Variants in CNTNAP2 observed in about 807,000 individuals in gnomAD.
The protein encoded by CNTNAP2 is contactin-associated protein-like 2.
A neutral mutation model predicts 155.2 loss-of-function variants in CNTNAP2; 98 were observed. The observed-to-expected ratio is 0.63, with a 90% CI of 0.54 to 0.75. The LOEUF (loss-of-function observed/expected upper bound fraction) is 0.75. Among genes scored for constraint, CNTNAP2 ranks in the 30% least tolerant of loss-of-function variants. The pLI is 0.00. For synonymous variants in CNTNAP2, 651 were observed against 631.2 expected (o/e 1.03, Z -0.47); for missense variants, 1,727 against 1,688.1 (o/e 1.02, Z -0.40).
chr7:147,021,494 C>A (rs1798816621), intron 3 of CNTNAP2, among the ~76,000 whole-genome samples: 1 of 152,142 alleles, frequency 6.6e-6, no homozygotes, highest in Non-Finnish European at 1.5e-5. Context: ...AAAGATAAGA[C>A]TATTATTCCC....
At chr7:146,886,495 C>T (rs926880008) in intron 3 of CNTNAP2, among the ~76,000 whole-genome samples, 1 of 152,022 alleles carries the variant, frequency 6.6e-6, no homozygotes, top group African/African-American at 2.4e-5. Context: ...ATCTTTGCCT[C>T]ACAGATCCAT....
chr7:147,766,925 T>A (rs909784480), intron 13 of CNTNAP2, among the ~76,000 whole-genome samples: 2 of 152,038 alleles, frequency 1.3e-5, no homozygotes, highest in Non-Finnish European at 2.9e-5. Context: ...TGACAAAAAA[T>A]TTCTAAAATA....
chr7:146,846,014 T>C (rs1190556007), intron 3 of CNTNAP2, among the ~76,000 whole-genome samples: 2 of 152,214 alleles, frequency 1.3e-5, no homozygotes, highest in Non-Finnish European at 2.9e-5. Context: ...CCAGTATAAA[T>C]ATAAAATATA....
chr7:147,276,530 C>A (rs1804900564), intron 8 of CNTNAP2, among the ~76,000 whole-genome samples: 1 of 151,978 alleles, frequency 6.6e-6, no homozygotes, highest in Non-Finnish European at 1.5e-5. Context: ...GATACCATAG[C>A]TTGTAAAAAT....
At chr7:146,189,899 T>G (rs1032433311) in intron 1 of CNTNAP2, among the ~76,000 whole-genome samples, 1 of 152,200 alleles carries the variant, frequency 6.6e-6, no homozygotes, top group African/African-American at 2.4e-5. Flanking sequence ...TTTAACAATA[T>G]GAAATACTGT....
Position 146,916,793 on chromosome 7 carries a change from A to AT in CNTNAP2, c.402+76895dup, listed in dbSNP as rs530449777. On this transcript the variant is annotated intron_variant, in intron 3 of 23. Transcript: ENST00000361727. ...GCTTTTTGTATCATTTATCTTTTGT[A>AT]TTTTTTGTTTGTTTTGATTTCATTT... 2.0e-3 allele frequency among the ~76,000 whole-genome samples: 307 copies of AT among 151,614 alleles called. 1 individual carries two copies. Among genetic ancestry groups the AT allele is most frequent in the Non-Finnish European group, 3.3e-3 (223 of 67,848 alleles).
chr7:147,345,544 T>G (rs1489037794), intron 9 of CNTNAP2, among the ~76,000 whole-genome samples: 1 of 152,224 alleles, frequency 6.6e-6, no homozygotes, highest in Non-Finnish European at 1.5e-5. Context: ...TATTCAATTA[T>G]GTGGCGTGTT....
chr7:147,632,767 AGAAAATGTGGG>A (rs1374139565), intron 12 of CNTNAP2, among the ~76,000 whole-genome samples: 1 of 152,190 alleles, frequency 6.6e-6, no homozygotes, highest in Non-Finnish European at 1.5e-5. Flanking sequence ...GAATAAGACA[AGAAAATGTGGG>A]AAAGTTTGGA....
At chr7:146,745,932 G>A (rs1202169817) in intron 1 of CNTNAP2, among the ~76,000 whole-genome samples, 3 of 152,158 alleles carry the variant, frequency 2.0e-5, no homozygotes. Flanking sequence ...TAATCAAACA[G>A]ATGTGCTTTC....
chr7:146,284,306 G>C (rs1190573864), intron 1 of CNTNAP2, among the ~76,000 whole-genome samples: 1 of 151,804 alleles, frequency 6.6e-6, no homozygotes, highest in Non-Finnish European at 1.5e-5. Flanking sequence ...GATTTCACCT[G>C]GTGGCTAAAA....
At chr7:146,245,999 G>T (rs1036362340) in intron 1 of CNTNAP2, among the ~76,000 whole-genome samples, 1 of 148,804 alleles carries the variant, frequency 6.7e-6, no homozygotes, top group Admixed American at 6.6e-5. Flanking sequence ...TAACTTGTAA[G>T]GCTTGTCTGG....
chr7:147,852,814 C>CTATTT (rs1427414135), intron 13 of CNTNAP2, among the ~76,000 whole-genome samples: 1 of 152,160 alleles, frequency 6.6e-6, no homozygotes, highest in African/African-American at 2.4e-5. Flanking sequence ...TTTTATGAGA[C>CTATTT]TACGGATCCT....
At chr7:147,060,246 G>A (rs1799638150) in intron 4 of CNTNAP2, among the ~76,000 whole-genome samples, 1 of 152,050 alleles carries the variant, frequency 6.6e-6, no homozygotes, top group Non-Finnish European at 1.5e-5. Flanking sequence ...TTTTTCCTAA[G>A]AGTAGTTATT....
chr7:148,380,085 ACTGATTGCCACT>A lies in CNTNAP2; in HGVS notation c.3476-3563_3476-3552del, dbSNP rs1314903765. 6.1e-4 allele frequency among the ~76,000 whole-genome samples: 93 copies of A among 152,364 alleles called. 1 individual carries two copies. Among genetic ancestry groups the A allele is most frequent in the African/African-American group, 2.2e-3 (90 of 41,580 alleles). ...CGTTATGAATATAAGACATTAACGT[ACTGATTGCCACT>A]TGAGAATCTCATTTTAAAGTGATTG... On this transcript the variant is annotated intron_variant, in intron 21 of 23. Coordinates refer to ENST00000361727, the MANE Select transcript of CNTNAP2 (RefSeq NM_014141.6).
chr7:147,806,055 G>T (rs1159999311), intron 13 of CNTNAP2, among the ~76,000 whole-genome samples: 1 of 152,192 alleles, frequency 6.6e-6, no homozygotes, highest in Non-Finnish European at 1.5e-5. Flanking sequence ...TCAACAAAGT[G>T]AAGTGACAAC....
At chr7:148,096,025 G>A (rs1240038644) in intron 15 of CNTNAP2, among the ~76,000 whole-genome samples, 2 of 152,202 alleles carry the variant, frequency 1.3e-5, no homozygotes, top group African/African-American at 4.8e-5. Context: ...AGGGCGCAGA[G>A]AGTTGCTTCT....
chr7:146,525,929 A>G (rs1199840191), intron 1 of CNTNAP2, among the ~76,000 whole-genome samples: 2 of 152,172 alleles, frequency 1.3e-5, no homozygotes, highest in Non-Finnish European at 2.9e-5. Flanking sequence ...ATGTTAGCCA[A>G]TGGAGCCACA....
At chr7:146,968,928 G>T (rs1230139745) in intron 3 of CNTNAP2, among the ~76,000 whole-genome samples, 168 of 146,616 alleles carry the variant, frequency 1.1e-3, no homozygotes, top group African/African-American at 4.1e-3. Flanking sequence ...GATCTTTCCT[G>T]CTTTCTCTTG....
chr7:146,312,718 C>G (rs1800845748), intron 1 of CNTNAP2, among the ~76,000 whole-genome samples: 1 of 152,096 alleles, frequency 6.6e-6, no homozygotes, highest in Non-Finnish European at 1.5e-5. Context: ...TCTTCTCTTC[C>G]CTCCACTCCT....
Sources: allele counts gnomAD v4.1 joint callset (sites outside exome capture counted in the v4.1 genomes callset), GRCh38; gene constraint gnomAD v4.1.1; transcripts MANE v1.5; gene names NCBI Gene and HGNC (gene_info 2026-07-23, HGNC 2026-07-21).